The following P2RY10 variants were observed in gnomAD, a reference collection of about 807,000 sequenced individuals.
P2RY10 encodes the protein putative P2Y purinoceptor 10.
A neutral mutation model predicts 12.1 loss-of-function variants in P2RY10; 4 were observed. That is an observed-to-expected ratio of 0.33 (90% CI 0.16 to 0.76). The LOEUF is 0.76. P2RY10 is among the 30% of genes least tolerant of loss of function. P2RY10 has a pLI of 0.61. For synonymous variants in P2RY10, 112 were observed against 94.1 expected, an observed-to-expected ratio of 1.19 and a Z score of -1.10; for missense variants, 233 against 264.6, an observed-to-expected ratio of 0.88 and a Z score of 0.83.
intron 1 of P2RY10, 77 bp downstream of exon 1, chrX:78,945,572 G>A (rs1921792031): frequency 8.9e-6 from 1 of 112,049 alleles, no homozygotes; most frequent in South Asian, 3.7e-4. Context: ...TCAGAACAGA[G>A]GTGGATGTGG....
chrX:78,950,798 G>T lies in P2RY10; in HGVS notation c.-156-1395G>T, dbSNP rs143140311. On this transcript the variant is annotated intron_variant, in intron 2 of 3. Transcript: ENST00000171757. ...TTCTGTCCATATAATAAGTTATTCAGCTAAAAATAACTTTAGCTTTCTGGG... is the reference window on the plus strand; with the variant it reads ...TTCTGTCCATATAATAAGTTATTCATCTAAAAATAACTTTAGCTTTCTGGG... Among the ~76,000 whole-genome samples, 375 of 111,835 alleles carry T rather than the reference G, an allele frequency of 3.4e-3. 1 individual carries two copies. The highest frequency in any genetic ancestry group is 0.011 in the African/African-American group (353 of 30,842).
intron 1 of P2RY10, among the ~76,000 whole-genome samples, chrX:78,945,917 G>T (rs182957302): frequency 4.5e-5 from 5 of 111,855 alleles, no homozygotes; most frequent in Non-Finnish European, 7.5e-5. Context: ...AAGATTTTTG[G>T]GTATAAAATC....
At position 78,961,160 on chromosome X, in the gene P2RY10, A is replaced by T. The variant is rs1333056124; in HGVS notation, c.640A>T (p.Ile214Phe). 1.7e-6 allele frequency: 2 copies of T among 1,209,463 alleles called. No homozygotes were observed. The highest frequency in any genetic ancestry group is 2.2e-6 in the Non-Finnish European group (2 of 894,789). ...AGGATTTGTGATCCCAGTGATCATCATCGCATGGTGTACCTGGAAAACTAC... is the reference window on the plus strand; with the variant it reads ...AGGATTTGTGATCCCAGTGATCATCTTCGCATGGTGTACCTGGAAAACTAC... The part of the protein sequence containing the change: ...LAGFVIPVII[I>F]AWCTWKTTIS... Residue 214 changes from isoleucine (I) to phenylalanine (F), a missense_variant, in exon 4 of 4, where the codon ATC becomes TTC. By Grantham distance (21) the Ile-to-Phe change is conservative. Coordinates refer to ENST00000171757, the MANE Select transcript of P2RY10 (RefSeq NM_014499.4).
At chrX:78,955,701 C>T (rs765963750) in intron 3 of P2RY10, among the ~76,000 whole-genome samples, 1 of 112,386 alleles carries the variant, frequency 8.9e-6, no homozygotes, top group African/African-American at 3.2e-5. Flanking sequence ...ATTTTCCCCA[C>T]CTCAGTCTGT....
chrX:78,947,587 T>A (rs1026148621), intron 1 of P2RY10, among the ~76,000 whole-genome samples: 3 of 111,872 alleles, frequency 2.7e-5, no homozygotes, highest in Non-Finnish European at 5.6e-5. Flanking sequence ...AATAATCTCA[T>A]CTATTATAAT....
chrX:78,947,404 A>G (rs778708578), intron 1 of P2RY10, among the ~76,000 whole-genome samples: 3 of 112,135 alleles, frequency 2.7e-5, no homozygotes, highest in Admixed American at 9.4e-5. Context: ...TTTATTCTTC[A>G]GATCAGTATA....
chrX:78,959,037 T>A (rs1922476051), intron 3 of P2RY10, among the ~76,000 whole-genome samples: 1 of 19,813 alleles, frequency 5.0e-5, no homozygotes, highest in African/African-American at 2.4e-4. Context: ...AAACTTACTT[T>A]AAACAAAACA....
At chrX:78,950,613 G>A (rs898635252) in intron 2 of P2RY10, among the ~76,000 whole-genome samples, 2 of 111,379 alleles carry the variant, frequency 1.8e-5, no homozygotes, top group Non-Finnish European at 3.8e-5. Context: ...CATAAAGAAC[G>A]TTGGTTTTGA....
chrX:78,957,387 C>CACACACAGAG (rs760263078), intron 3 of P2RY10, among the ~76,000 whole-genome samples: 1 of 75,809 alleles, frequency 1.3e-5, no homozygotes, highest in Non-Finnish European at 2.7e-5. Context: ...CACACACACA[C>CACACACAGAG]AGAGAGAGAG....
chrX:78,961,530 T>C lies in P2RY10; in HGVS notation c.1010T>C (p.Met337Thr). 1.7e-6 allele frequency: 2 copies of C among 1,183,318 alleles called. No homozygotes were observed. Among genetic ancestry groups the C allele is most frequent in the Non-Finnish European group, 1.1e-6 (1 of 876,225 alleles). Reference protein sequence around the residue: ...RLMSKESGSSMIG With the variant: ...RLMSKESGSSTIG ...ATGAGCAAGGAGAGTGGTTCATCAA[T>C]GATTGGCTAAAATTAAGATATCTCT... Residue 337 changes from methionine (M) to threonine (T), a missense_variant, in exon 4 of 4, where the codon ATG becomes ACG. Physicochemically the swap from Met to Thr is moderately conservative, Grantham distance 81. Coordinates refer to ENST00000171757, the MANE Select transcript of P2RY10 (RefSeq NM_014499.4).
rs1288496711 is a variant in P2RY10, at chrX:78,961,552, C to A, written c.*12C>A. 4 of 1,138,506 alleles carry A rather than the reference C, an allele frequency of 3.5e-6. No individual in the cohort carries two copies. Among genetic ancestry groups the A allele is most frequent in the Non-Finnish European group, 4.8e-6 (4 of 841,026 alleles). 93.8% of individuals were successfully genotyped at this position (1,138,506 alleles called of 1,213,427 possible). A position where few individuals can be genotyped will look rare whatever the true frequency, so the allele number is the denominator to read the frequency against. On this transcript the variant is annotated 3_prime_UTR_variant, in exon 4 of 4. Coordinates refer to ENST00000171757, the MANE Select transcript of P2RY10 (RefSeq NM_014499.4). ...CAATGATTGGCTAAAATTAAGATAT[C>A]TCTTTAATTACGCCTTTGTTTACCT...
rs1922727835 is a variant in P2RY10, at chrX:78,963,334, T to C, written c.*1794T>C. Among the ~76,000 whole-genome samples the C allele has an allele frequency of 8.9e-6, 1 of 112,667 alleles. No individual in the cohort carries two copies. The highest frequency in any genetic ancestry group is 1.9e-5 in the Non-Finnish European group (1 of 53,310). On this transcript the variant is annotated 3_prime_UTR_variant, in exon 4 of 4. Transcript: ENST00000171757. Reference sequence around the variant, plus strand: ...AAAGTAATTAAACTGGTTTTCCTTGTACTTTATTAATCTGAATCTAATGGC... The same window carrying C: ...AAAGTAATTAAACTGGTTTTCCTTGCACTTTATTAATCTGAATCTAATGGC...
intron 2 of P2RY10, among the ~76,000 whole-genome samples, chrX:78,950,317 G>A (rs1261359891): frequency 1.8e-5 from 2 of 110,926 alleles, no homozygotes; most frequent in Non-Finnish European, 3.8e-5. Context: ...AGAGCTAGAA[G>A]GGAGTTAAAG....
chrX:78,961,634 A>G lies in P2RY10; in HGVS notation c.*94A>G. 1 of 653,150 alleles carries G rather than the reference A, an allele frequency of 1.5e-6. No homozygotes were observed. Among genetic ancestry groups the G allele is most frequent in the Non-Finnish European group, 2.4e-6 (1 of 421,861 alleles). 53.8% of individuals were successfully genotyped at this position (653,150 alleles called of 1,213,427 possible). A position where few individuals can be genotyped will look rare whatever the true frequency, so the allele number is the denominator to read the frequency against. On this transcript the variant is annotated 3_prime_UTR_variant, in exon 4 of 4. Coordinates refer to ENST00000171757, the MANE Select transcript of P2RY10 (RefSeq NM_014499.4). ...TGTCAACCAATTTCTTTAATTGAACATTGTAAAAAACAGGAATAAGTACTT... is the reference window on the plus strand; with the variant it reads ...TGTCAACCAATTTCTTTAATTGAACGTTGTAAAAAACAGGAATAAGTACTT...
In P2RY10 at chrX:78,960,550, A is replaced by G; in HGVS notation, c.30A>G (p.Thr10=). Residue 10 remains threonine (T), a synonymous_variant, in exon 4 of 4, where the codon ACA becomes ACG. Transcript: ENST00000171757. The stretch of plus-strand genomic sequence containing the variant: ...CTAACCTTGACAAATACACTGAAAC[A>G]TTCAAGATGGGTAGCAACAGTACCA... MANLDKYTE[T]FKMGSNSTST... 3 of 1,210,236 alleles carry G rather than the reference A, an allele frequency of 2.5e-6. No individual in the cohort carries two copies. The highest frequency in any genetic ancestry group is 1.7e-5 in the African/African-American group (1 of 57,807).
chrX:78,952,952 C>G (rs1463529190), intron 3 of P2RY10, among the ~76,000 whole-genome samples: 1 of 111,027 alleles, frequency 9.0e-6, no homozygotes, highest in Non-Finnish European at 1.9e-5. Flanking sequence ...TGATTAGCCA[C>G]CATGGGAATA....
chrX:78,951,374 G>A (rs1019556169), intron 2 of P2RY10, among the ~76,000 whole-genome samples: 1 of 111,661 alleles, frequency 9.0e-6, no homozygotes, highest in African/African-American at 3.3e-5. Context: ...TTCTTGCTTT[G>A]ACCACATTTT....
At chrX:78,950,031 C>T (rs1470230540) in intron 2 of P2RY10, among the ~76,000 whole-genome samples, 2 of 112,151 alleles carry the variant, frequency 1.8e-5, no homozygotes, top group Non-Finnish European at 3.8e-5. Context: ...CCCCCATCAG[C>T]AACTTGTTTT....
At chrX:78,954,081 G>A (rs1421603942) in intron 3 of P2RY10, among the ~76,000 whole-genome samples, 3 of 110,353 alleles carry the variant, frequency 2.7e-5, no homozygotes, top group East Asian at 2.8e-4. Flanking sequence ...CCATGTTACC[G>A]AGGCTGGTCT....
Sources: allele counts gnomAD v4.1 joint callset (sites outside exome capture counted in the v4.1 genomes callset), GRCh38; gene constraint gnomAD v4.1.1; transcripts MANE v1.5; gene names NCBI Gene and HGNC (gene_info 2026-07-23, HGNC 2026-07-21).